KCNG1: variants seen among roughly 807,000 people sequenced by gnomAD.
KCNG1 encodes the protein potassium voltage-gated channel modifier subfamily G member 1, also known as voltage-gated potassium channel regulatory subunit KCNG1.
KCNG1 carries 17 observed loss-of-function variants against 32.4 expected under a neutral mutation model. The ratio of observed to expected loss-of-function variants is 0.52; its 90% confidence interval spans 0.36 to 0.79. The LOEUF is 0.79. Among genes scored for constraint, KCNG1 ranks in the 30% least tolerant of loss-of-function variants. KCNG1 has a pLI of 0.00. For synonymous variants in KCNG1, 358 were observed against 339.9 expected (o/e 1.05, Z -0.59); for missense variants, 441 against 735.2 (o/e 0.60, Z 4.63).
At chr20:51,016,014 C>G (rs1400237236) in intron 1 of KCNG1, among the ~76,000 whole-genome samples, 1 of 152,208 alleles carries the variant, frequency 6.6e-6, no homozygotes, top group Non-Finnish European at 1.5e-5. Context: ...GGAGCACAGC[C>G]TTGCCAATAC....
At chr20:51,014,972 G>A (rs909693854) in intron 1 of KCNG1, among the ~76,000 whole-genome samples, 2 of 152,188 alleles carry the variant, frequency 1.3e-5, no homozygotes, top group Non-Finnish European at 2.9e-5. Flanking sequence ...CAGAGCGAGG[G>A]GAAGCTGGGA....
rs550952459 is a variant in KCNG1 at position 51,009,963 on chromosome 20, T to A, written c.376A>T (p.Thr126Ser). Residue 126 changes from threonine to serine, a missense_variant, in exon 2 of 3, where the codon ACT (threonine) becomes TCT (serine). This residue lies in a region of KCNG1 where 70 missense variants were observed against 158.4 expected (regional missense o/e 0.44). Transcript: ENST00000371571. ...CCCGCGCGCAGGAAGGTCAGGATAGTGCCGAAGGCCCCCGGGTTGCGGTCG... is the reference window on the plus strand; with the variant it reads ...CCCGCGCGCAGGAAGGTCAGGATAGAGCCGAAGGCCCCCGGGTTGCGGTCG... Reference protein sequence around the residue: ...FFDRNPGAFGTILTFLRAGKL... With the variant: ...FFDRNPGAFGSILTFLRAGKL... 9 of 1,613,922 alleles carry A rather than the reference T, an allele frequency of 5.6e-6. No homozygotes were observed. In the East Asian group the frequency reaches 2.0e-4, roughly 36 times the overall value.
chr20:51,012,468 G>C (rs964562036), intron 1 of KCNG1: 4 of 152,230 alleles, frequency 2.6e-5, no homozygotes, highest in African/African-American at 9.6e-5. Context: ...GCTCAGCACT[G>C]TAAAGCCTCA....
chr20:51,016,161 G>A (rs575874418), intron 1 of KCNG1, among the ~76,000 whole-genome samples: 2 of 152,220 alleles, frequency 1.3e-5, no homozygotes, highest in South Asian at 2.1e-4. Flanking sequence ...CTGAGGCCAG[G>A]CATGGTGGCT....
chr20:51,016,769 A>G (rs1988295080), intron 1 of KCNG1, among the ~76,000 whole-genome samples: 1 of 152,128 alleles, frequency 6.6e-6, no homozygotes, highest in Non-Finnish European at 1.5e-5. Flanking sequence ...GAATTCTCAC[A>G]AGCTACGATT....
chr20:51,003,925 C>T lies in KCNG1; in HGVS notation c.*114G>A, dbSNP rs527794560. The stretch of plus-strand genomic sequence containing the variant: ...TGTCCTTCCCCGGGTGCGTGGGAGT[C>T]GGTGCTGCGCCAGGACTGCACTCGG... On this transcript the variant is annotated 3_prime_UTR_variant, in exon 3 of 3. Transcript: ENST00000371571. 34 of 1,196,378 alleles carry T rather than the reference C, an allele frequency of 2.8e-5. No homozygotes were observed. The highest frequency in any genetic ancestry group is 2.8e-4 in the Middle Eastern group (1 of 3,542). 74.1% of individuals were successfully genotyped at this position (1,196,378 alleles called of 1,614,324 possible).
rs1385426120 is a variant in KCNG1, at chr20:51,017,643, G to C, written c.-27+5227C>G. 2.0e-5 allele frequency among the ~76,000 whole-genome samples: 3 copies of C among 152,164 alleles called. No homozygotes were observed. In the East Asian group the frequency reaches 5.8e-4, roughly 29 times the overall value. ...GCTCGGTGGAGATACAGATTTCTGG[G>C]ACCCTCCCTTCCCAGTCGGAATGTC... is the stretch of plus-strand genomic sequence containing the variant. On this transcript the variant is annotated intron_variant, in intron 1 of 2. Coordinates refer to ENST00000371571, the MANE Select transcript of KCNG1 (RefSeq NM_002237.4).
Position 51,013,202 on chromosome 20 carries a change from T to C in KCNG1, c.-26-2838A>G, listed in dbSNP as rs1988157100. On this transcript the variant is annotated intron_variant, in intron 1 of 2. Coordinates refer to ENST00000371571, the MANE Select transcript of KCNG1 (RefSeq NM_002237.4). Reference sequence around the variant, plus strand: ...CTGAAATCCCAGCTACTCGGGAGGCTGAGGCAGGAGAATCCCTTGAACCCA... The same window carrying C: ...CTGAAATCCCAGCTACTCGGGAGGCCGAGGCAGGAGAATCCCTTGAACCCA... Among the ~76,000 whole-genome samples, 4 of 152,102 alleles carry C rather than the reference T, an allele frequency of 2.6e-5. No homozygotes were observed. In the East Asian group the frequency reaches 7.7e-4, roughly 29 times the overall value.
chr20:51,022,507 A>G (rs919945621), intron 1 of KCNG1: 5 of 152,220 alleles, frequency 3.3e-5, no homozygotes, highest in African/African-American at 1.2e-4. Context: ...CCCCCACCCC[A>G]ATCCCTAACT....
At chr20:51,006,874 G>C (rs1285841444) in intron 2 of KCNG1, 1 of 152,270 alleles carries the variant, frequency 6.6e-6, no homozygotes, top group East Asian at 1.9e-4. Flanking sequence ...CTGAATCCTT[G>C]CAACACTGTG....
intron 1 of KCNG1, among the ~76,000 whole-genome samples, chr20:51,021,363 G>C (rs1205827612): frequency 6.6e-6 from 1 of 152,222 alleles, no homozygotes; most frequent in African/African-American, 2.4e-5. Flanking sequence ...ATAGAGCTCA[G>C]GTCTGGCAGA....
intron 1 of KCNG1, among the ~76,000 whole-genome samples, chr20:51,020,124 C>T (rs781115325): frequency 2.0e-5 from 3 of 152,206 alleles, no homozygotes; most frequent in South Asian, 2.1e-4. Context: ...GTCCCTCCCC[C>T]CTATAAAAAA....
At chr20:51,022,497 C>T (rs1243983218) in intron 1 of KCNG1, among the ~76,000 whole-genome samples, 1 of 152,182 alleles carries the variant, frequency 6.6e-6, no homozygotes, top group Non-Finnish European at 1.5e-5. Flanking sequence ...GACACACACT[C>T]CCCCACCCCA....
intron 1 of KCNG1, among the ~76,000 whole-genome samples, chr20:51,013,397 C>A (rs919137928): frequency 1.3e-5 from 2 of 152,088 alleles, no homozygotes; most frequent in African/African-American, 4.8e-5. Flanking sequence ...CAATTCCAAA[C>A]GGAAACCCAT....
Position 51,003,989 on chromosome 20 carries a change from C to T in KCNG1, c.*50G>A. ...CTCTCCAGGCGTCTGCAGTGGATGG[C>T]AATGGCTTCGGGCCACAGATGGCAG... On this transcript the variant is annotated 3_prime_UTR_variant, in exon 3 of 3. Transcript: ENST00000371571. 6.3e-7 allele frequency: 1 copy of T among 1,580,012 alleles called. No homozygotes were observed. The highest frequency in any genetic ancestry group is 8.6e-7 in the Non-Finnish European group (1 of 1,161,798).
chr20:51,015,537 G>A lies in KCNG1; in HGVS notation c.-26-5173C>T, dbSNP rs1320562821. Among the ~76,000 whole-genome samples, 2 of 152,206 alleles carry A rather than the reference G, an allele frequency of 1.3e-5. No homozygotes were observed. The highest frequency in any genetic ancestry group is 2.4e-5 in the African/African-American group (1 of 41,452). ...CAGGGGCCGGAGGGCCAGGGTAGTA[G>A]AGCTATGGTGAAGTCAGAGGTGGGG... is the stretch of plus-strand genomic sequence containing the variant. On this transcript the variant is annotated intron_variant, in intron 1 of 2. Transcript: ENST00000371571. The surrounding 1 kb of genome is among the most constrained non-coding windows in gnomAD (Gnocchi z 4.4).
In KCNG1 at chr20:51,009,757, G is replaced by A; in HGVS notation, c.582C>T (p.Arg194=). The part of the protein sequence containing the change: ...EEDDALDSEG[R]DSEGPAEGEG... Reference sequence around the variant, plus strand: ...CGCCCTCGGCCGGGCCCTCGCTGTCGCGGCCCTCGCTGTCCAGCGCGTCGT... The same window carrying A: ...CGCCCTCGGCCGGGCCCTCGCTGTCACGGCCCTCGCTGTCCAGCGCGTCGT... Residue 194 remains arginine (R), a synonymous_variant, in exon 2 of 3, where the codon CGC becomes CGT. Coordinates refer to ENST00000371571, the MANE Select transcript of KCNG1 (RefSeq NM_002237.4). The A allele has an allele frequency of 6.2e-7, 1 of 1,609,416 alleles. No homozygotes were observed. The highest frequency in any genetic ancestry group is 8.5e-7 in the Non-Finnish European group (1 of 1,179,602).
At position 51,005,192 on chromosome 20, in the gene KCNG1, G is replaced by T; in HGVS notation, c.775-386C>A. Reference sequence around the variant, plus strand: ...ATCTTTCCAATGGCTTAGGACAGGAGACCTGGCGTCATCCTTACCACCTTG... The same window carrying T: ...ATCTTTCCAATGGCTTAGGACAGGATACCTGGCGTCATCCTTACCACCTTG... On this transcript the variant is annotated intron_variant, in intron 2 of 2. Transcript: ENST00000371571. The surrounding 1 kb of genome is among the most constrained non-coding windows in gnomAD (Gnocchi z 4.0). 1 of 177,438 alleles carries T rather than the reference G, an allele frequency of 5.6e-6. No homozygotes were observed. Among genetic ancestry groups the T allele is most frequent in the Non-Finnish European group, 1.2e-5 (1 of 85,594 alleles). 11.0% of individuals were successfully genotyped at this position (177,438 alleles called of 1,614,324 possible).
intron 1 of KCNG1, among the ~76,000 whole-genome samples, chr20:51,019,634 T>C (rs892244092): frequency 6.6e-6 from 1 of 152,192 alleles, no homozygotes; most frequent in African/African-American, 2.4e-5. Context: ...AGCATTTCTC[T>C]CCTGTACTCT....
Sources: allele counts gnomAD v4.1 joint callset (sites outside exome capture counted in the v4.1 genomes callset), GRCh38; gene constraint gnomAD v4.1.1; regional missense constraint gnomAD v4.1.1; non-coding constraint Gnocchi (gnomAD v3.1); transcripts MANE v1.5; gene names NCBI Gene and HGNC (gene_info 2026-07-23, HGNC 2026-07-21).